LRRC4C: variants seen among roughly 807,000 people sequenced by gnomAD.
The protein encoded by LRRC4C is leucine-rich repeat-containing protein 4C.
LRRC4C carries 5 observed loss-of-function variants against 33.6 expected under a neutral mutation model. That is an observed-to-expected ratio of 0.15 (90% CI 0.08 to 0.31). LRRC4C has a LOEUF of 0.31. LRRC4C is among the 10% of genes least tolerant of loss of function. LRRC4C has a pLI of 1.00. For missense variants in LRRC4C, 560 were observed against 796.7 expected, an observed-to-expected ratio of 0.70 and a Z score of 3.58; for synonymous variants, 329 against 302.0, an observed-to-expected ratio of 1.09 and a Z score of -0.93.
At chr11:41,012,898 G>T (rs180955269) in intron 1 of LRRC4C, among the ~76,000 whole-genome samples, 5 of 152,010 alleles carry the variant, frequency 3.3e-5, no homozygotes, top group Non-Finnish European at 7.4e-5. Flanking sequence ...TTTAAGAATT[G>T]TCTATTCAGA....
chr11:40,268,063 G>A (rs578231028), intron 4 of LRRC4C, among the ~76,000 whole-genome samples: 3 of 152,138 alleles, frequency 2.0e-5, no homozygotes, highest in Admixed American at 6.5e-5. Context: ...TACAGCTCCC[G>A]AGTTAGGTAA....
At chr11:41,431,415 G>T (rs1000532928) in intron 1 of LRRC4C, among the ~76,000 whole-genome samples, 1 of 151,910 alleles carries the variant, frequency 6.6e-6, no homozygotes, top group Non-Finnish European at 1.5e-5. Flanking sequence ...GAAGGAAGGA[G>T]CCATATTCTG....
At chr11:40,535,434 A>G (rs1344181132) in intron 3 of LRRC4C, among the ~76,000 whole-genome samples, 1 of 152,180 alleles carries the variant, frequency 6.6e-6, no homozygotes, top group African/African-American at 2.4e-5. Flanking sequence ...GATTCAAGCC[A>G]TTTTACAAAG....
intron 2 of LRRC4C, among the ~76,000 whole-genome samples, chr11:40,863,387 T>C (rs1205225475): frequency 1.3e-5 from 2 of 152,174 alleles, no homozygotes; most frequent in East Asian, 3.9e-4. Flanking sequence ...CTGTATAAAT[T>C]GGTAGAACAG....
intron 1 of LRRC4C, among the ~76,000 whole-genome samples, chr11:41,015,107 A>G (rs749834851): frequency 6.6e-6 from 1 of 152,160 alleles, no homozygotes; most frequent in Non-Finnish European, 1.5e-5. Flanking sequence ...AAATGCTCAT[A>G]TCTGAACATT....
intron 5 of LRRC4C, among the ~76,000 whole-genome samples, chr11:40,193,620 G>T (rs1157279273): frequency 6.6e-6 from 1 of 152,146 alleles, no homozygotes; most frequent in Non-Finnish European, 1.5e-5. Context: ...CTAATTGACA[G>T]AAGAAGGCTT....
chr11:41,229,234 A>G (rs1379458584), intron 1 of LRRC4C, among the ~76,000 whole-genome samples: 3 of 152,122 alleles, frequency 2.0e-5, no homozygotes, highest in African/African-American at 7.2e-5. Context: ...AACAATGTGC[A>G]CACATAGAGA....
intron 1 of LRRC4C, among the ~76,000 whole-genome samples, chr11:41,031,859 T>G (rs896626596): frequency 1.3e-5 from 2 of 152,004 alleles, no homozygotes; most frequent in Non-Finnish European, 2.9e-5. Context: ...ATGCCAGAGT[T>G]CTGATTCTGG....
intron 2 of LRRC4C, among the ~76,000 whole-genome samples, chr11:40,890,759 A>ATAC (rs1955665156): frequency 6.6e-6 from 1 of 152,138 alleles, no homozygotes; most frequent in Admixed American, 6.5e-5. Flanking sequence ...ATGTTATGAC[A>ATAC]TTAAGTATGT....
intron 3 of LRRC4C, among the ~76,000 whole-genome samples, chr11:40,495,365 T>C (rs1254751547): frequency 6.6e-6 from 1 of 152,124 alleles, no homozygotes; most frequent in African/African-American, 2.4e-5. Context: ...CAGCGCCACA[T>C]ATTTGGAAAT....
intron 1 of LRRC4C, among the ~76,000 whole-genome samples, chr11:41,076,764 C>T (rs1337704820): frequency 3.3e-5 from 5 of 152,148 alleles, no homozygotes; most frequent in African/African-American, 1.2e-4. Context: ...AGCAGTCCCC[C>T]AAGGTCTTAA....
At chr11:40,620,683 G>GCTA (rs1962363836) in intron 3 of LRRC4C, among the ~76,000 whole-genome samples, 1 of 151,768 alleles carries the variant, frequency 6.6e-6, no homozygotes, top group Admixed American at 6.6e-5. Context: ...CATTCAAGCT[G>GCTA]CTACTTATTG....
rs541075883 is a variant in LRRC4C, at chr11:41,273,299, T to A, written c.-496+186132A>T. 3.3e-5 allele frequency among the ~76,000 whole-genome samples: 5 copies of A among 152,228 alleles called. No homozygotes were observed. In the South Asian group the frequency reaches 1.0e-3, roughly 32 times the overall value. ...GGTTATGTATCCAAGAGAATTGAAA[T>A]CAGGATTTCAGACCATTCACAATAG... On this transcript the variant is annotated intron_variant, in intron 1 of 6. Transcript: ENST00000528697.
intron 2 of LRRC4C, among the ~76,000 whole-genome samples, chr11:40,769,314 T>C (rs1949639115): frequency 1.3e-5 from 2 of 152,058 alleles, no homozygotes; most frequent in Admixed American, 6.6e-5. Flanking sequence ...AAAACATTTA[T>C]GCAAGAAATT....
intron 1 of LRRC4C, among the ~76,000 whole-genome samples, chr11:41,415,316 A>G (rs188587925): frequency 6.6e-6 from 1 of 152,146 alleles, no homozygotes; most frequent in Non-Finnish European, 1.5e-5. Context: ...TAGATAGTCC[A>G]GGGAGTGAAT....
chr11:40,412,461 A>C (rs2137652736), intron 3 of LRRC4C, among the ~76,000 whole-genome samples: 1 of 152,004 alleles, frequency 6.6e-6, no homozygotes, highest in African/African-American at 2.4e-5. Context: ...TTTGTTTTTA[A>C]ATCTTCTTTC....
intron 2 of LRRC4C, among the ~76,000 whole-genome samples, chr11:40,756,759 A>T (rs1048954724): frequency 6.6e-6 from 1 of 152,104 alleles, no homozygotes. Context: ...TTTCACAAAT[A>T]TTACCTAGAA....
At chr11:41,445,100 A>C (rs148362234) in intron 1 of LRRC4C, among the ~76,000 whole-genome samples, 1 of 152,014 alleles carries the variant, frequency 6.6e-6, no homozygotes, top group Admixed American at 6.6e-5. Context: ...ACCACGCCCG[A>C]CATCTAACTT....
chr11:40,830,848 T>C (rs1271397163), intron 2 of LRRC4C, among the ~76,000 whole-genome samples: 2 of 152,124 alleles, frequency 1.3e-5, no homozygotes, highest in Non-Finnish European at 2.9e-5. Context: ...AGGCCCTGAA[T>C]TGATCTATGG....
Sources: gnomAD v4.1 joint callset for allele counts (sites outside exome capture counted in the v4.1 genomes callset) on GRCh38, gnomAD v4.1.1 for gene constraint, MANE v1.5 for transcripts, NCBI Gene and HGNC (gene_info 2026-07-23, HGNC 2026-07-21) for gene names.